Variants in GOLGB1 observed in about 807,000 individuals in gnomAD.
GOLGB1 encodes the protein golgin B1.
Under a neutral mutation model 336.9 loss-of-function variants are expected in GOLGB1, and 174 were observed. That is an observed-to-expected ratio of 0.52 (90% CI 0.46 to 0.59). The LOEUF is 0.59. Ranked by LOEUF, GOLGB1 falls within the 20% of genes least tolerant of loss-of-function variation. The pLI is 0.00. For synonymous variants in GOLGB1, 1,208 were observed against 1,289.2 expected (o/e 0.94, Z 1.35); for missense variants, 3,331 against 3,645.3 (o/e 0.91, Z 2.22).
rs536644558 is a variant in GOLGB1 at position 121,730,994 on chromosome 3, A to G, written c.-2-21T>C. 2.5e-4 allele frequency: 404 copies of G among 1,604,354 alleles called. 6 individuals are homozygous for G. The South Asian group carries it at 4.2e-3, about 17-fold the overall frequency. On this transcript the variant is annotated intron_variant, in intron 1 of 21. Coordinates refer to ENST00000614479, the MANE Select transcript of GOLGB1 (RefSeq NM_001366282.2). ...CATTTCTGTAGGAAAAGAAGGGGGG[A>G]AAAAACCTAAGAATCAGCAAAATGA...
chr3:121,746,829 T>A (rs769852634), intron 1 of GOLGB1, among the ~76,000 whole-genome samples: 1 of 151,866 alleles, frequency 6.6e-6, no homozygotes, highest in African/African-American at 2.4e-5. Flanking sequence ...CCGTCAATAT[T>A]CCCAGTTTTA....
At chr3:121,670,760 G>C (rs1181236384) in intron 17 of GOLGB1, among the ~76,000 whole-genome samples, 16 of 149,584 alleles carry the variant, frequency 1.1e-4, no homozygotes, top group African/African-American at 3.2e-4. Context: ...TCTTTTGGGG[G>C]GGGGGGTGTG....
chr3:121,690,768 C>A lies in GOLGB1; in HGVS notation c.8596G>T (p.Gly2866Trp). Residue 2866 changes from glycine to tryptophan, a missense_variant, in exon 14 of 22, where the codon GGG (glycine) becomes TGG (tryptophan). Gly to Trp is a radical substitution (Grantham distance 184, BLOSUM62 -2). Coordinates refer to ENST00000614479, the MANE Select transcript of GOLGB1 (RefSeq NM_001366282.2). ...ELEKFRKSEE[G>W]KQRSAAQPST... ...GGCTGAGCTGCAGACCTCTGCTTCCCTTCCTCTGACTTTCGAAATTTCTCC... is the reference window on the plus strand; with the variant it reads ...GGCTGAGCTGCAGACCTCTGCTTCCATTCCTCTGACTTTCGAAATTTCTCC... The A allele has an allele frequency of 6.3e-7, 1 of 1,589,606 alleles. No homozygotes were observed. The highest frequency in any genetic ancestry group is 8.6e-7 in the Non-Finnish European group (1 of 1,169,504).
In GOLGB1 at chr3:121,698,000, C is replaced by T. The variant is rs761863154; in HGVS notation, c.2523G>A (p.Leu841=). 2 of 1,614,098 alleles carry T rather than the reference C, an allele frequency of 1.2e-6. No individual in the cohort carries two copies. The highest frequency in any genetic ancestry group is 1.7e-5 in the Admixed American group (1 of 60,020). ...TTTCCTTATTTTGCAGCTGGCTTTG[C>T]AGGCTTCTTATCAGGGTACTCTGCT... is the stretch of plus-strand genomic sequence containing the variant. ...FSEQSTLIRS[L]QSQLQNKESE... is the part of the protein sequence containing the mutation. Residue 841 remains leucine, a synonymous_variant, in exon 13 of 22, where the codon CTG becomes CTA. Transcript: ENST00000614479.
intron 17 of GOLGB1, among the ~76,000 whole-genome samples, chr3:121,669,727 T>G (rs1177313255): frequency 1.3e-5 from 2 of 152,146 alleles, no homozygotes; most frequent in Non-Finnish European, 2.9e-5. Flanking sequence ...TACTAACAAA[T>G]GACTATAATC....
chr3:121,747,899 G>A (rs1031727807), intron 1 of GOLGB1, among the ~76,000 whole-genome samples: 2 of 152,068 alleles, frequency 1.3e-5, no homozygotes, highest in Non-Finnish European at 2.9e-5. Context: ...CAGCAATATA[G>A]AGCTTAGTCT....
At chr3:121,679,790 GC>G (rs1197154282) in intron 15 of GOLGB1, among the ~76,000 whole-genome samples, 1 of 152,078 alleles carries the variant, frequency 6.6e-6, no homozygotes, top group Non-Finnish European at 1.5e-5. Flanking sequence ...CTCTCCGACT[GC>G]CCCTCCTCCC....
rs1200925309 is a variant in GOLGB1 at position 121,706,733 on chromosome 3, CAAAAAAAAAA to C, written c.1405-4148_1405-4139del. On this transcript the variant is annotated intron_variant, in intron 10 of 21. Coordinates refer to ENST00000614479, the MANE Select transcript of GOLGB1 (RefSeq NM_001366282.2). ...TGGATGACACACTGAGACTCTGTCT[CAAAAAAAAAA>C]AAAAAAAAAAAAAAAACCAACAAAG... Among the ~76,000 whole-genome samples the C allele has an allele frequency of 5.6e-4, 9 of 16,158 alleles. 1 individual carries two copies. The South Asian group carries it at 0.027, about 48-fold the overall frequency. The allele number at this position is 16,158 out of a possible 152,430, so 10.6% of individuals were successfully genotyped here. A position where few individuals can be genotyped will look rare whatever the true frequency, so the allele number is the denominator to read the frequency against.
rs781135231 is a variant in GOLGB1, at chr3:121,667,476, C to G, written c.9554G>C (p.Arg3185Pro). The change falls in exon 20 of 22, where the codon CGG becomes CCG. Residue 3185 changes from arginine (R) to proline (P), a missense_variant and splice_region_variant. By Grantham distance (103) the Arg-to-Pro change is moderately radical. Transcript: ENST00000614479. ...ALSVAEEQIR[R>P]LEHSEWDSSR... is the part of the protein sequence containing the mutation. ...AGAGGCTATCTCCTTCAGCCTTTACCGTCTGATCTGCTCCTCGGCCACAGA... is the reference window on the plus strand; with the variant it reads ...AGAGGCTATCTCCTTCAGCCTTTACGGTCTGATCTGCTCCTCGGCCACAGA... 6.2e-7 allele frequency: 1 copy of G among 1,613,482 alleles called. No homozygotes were observed. Among genetic ancestry groups the G allele is most frequent in the African/African-American group, 1.3e-5 (1 of 74,912 alleles).
At position 121,683,053 on chromosome 3, in the gene GOLGB1, ATTTTTTTTTT is replaced by A. The variant is rs746649684; in HGVS notation, c.8695-1198_8695-1189del. ...GCTGCTTAAGAAGCAATTTCTTTTA[ATTTTTTTTTT>A]TTTTTTTTTTTTTTTTTTTGGAGAG... On this transcript the variant is annotated intron_variant, in intron 14 of 21. Coordinates refer to ENST00000614479, the MANE Select transcript of GOLGB1 (RefSeq NM_001366282.2). 4.1e-4 allele frequency among the ~76,000 whole-genome samples: 34 copies of A among 82,498 alleles called. No homozygotes were observed. The South Asian group carries it at 4.6e-3, about 11-fold the overall frequency. The allele number at this position is 82,498 out of a possible 152,430, so 54.1% of individuals were successfully genotyped here.
At chr3:121,678,870 G>A (rs1940734434) in intron 15 of GOLGB1, among the ~76,000 whole-genome samples, 1 of 152,056 alleles carries the variant, frequency 6.6e-6, no homozygotes, top group Admixed American at 6.6e-5. Context: ...ATTTATTAAG[G>A]CAGCATGAAC....
Position 121,717,102 on chromosome 3 carries a change from T to G in GOLGB1, c.923A>C (p.His308Pro). The change falls in exon 9 of 22, where the codon CAT becomes CCT. Residue 308 changes from histidine (H) to proline (P), a missense_variant. His to Pro is a moderately conservative substitution (Grantham distance 77). Coordinates refer to ENST00000614479, the MANE Select transcript of GOLGB1 (RefSeq NM_001366282.2). ...SQQLQQMEAE[H>P]NTLRNTVETE... ...TTCCACAGTGTTCCTCAAAGTATTA[T>G]GCTCAGCTTCCATCTGCTGTAACTG... 3 of 1,613,016 alleles carry G rather than the reference T, an allele frequency of 1.9e-6. No homozygotes were observed. In the East Asian group the frequency reaches 6.7e-5, roughly 36 times the overall value.
In GOLGB1 at chr3:121,663,472, T is replaced by G. The variant is rs1205724346; in HGVS notation, c.*1008A>C. On this transcript the variant is annotated 3_prime_UTR_variant, in exon 22 of 22. Coordinates refer to ENST00000614479, the MANE Select transcript of GOLGB1 (RefSeq NM_001366282.2). ...CTTCTCAGGTCTATCTATATTTAAT[T>G]TTGTCTTCTCTATATTCTCCTTCCA... 1.3e-5 allele frequency: 2 copies of G among 152,130 alleles called. No individual in the cohort carries two copies. Among genetic ancestry groups the G allele is most frequent in the African/African-American group, 4.8e-5 (2 of 41,412 alleles). The allele number at this position is 152,130 out of a possible 1,614,324, so 9.4% of individuals were successfully genotyped here.
rs186832653 is a variant in GOLGB1 at position 121,734,738 on chromosome 3, T to C, written c.-2-3765A>G. Among the ~76,000 whole-genome samples, 4 of 152,370 alleles carry C rather than the reference T, an allele frequency of 2.6e-5. No homozygotes were observed. The East Asian group carries it at 7.7e-4, about 29-fold the overall frequency. Reference sequence around the variant, plus strand: ...GATATAGAGCAACAGGAACTTTCAATGCCTGCAGATTAGAATACAAAATGG... The same window carrying C: ...GATATAGAGCAACAGGAACTTTCAACGCCTGCAGATTAGAATACAAAATGG... On this transcript the variant is annotated intron_variant, in intron 1 of 21. Transcript: ENST00000614479.
intron 17 of GOLGB1, among the ~76,000 whole-genome samples, chr3:121,672,899 A>G (rs1304120628): frequency 6.6e-6 from 1 of 152,124 alleles, no homozygotes; most frequent in East Asian, 1.9e-4. Context: ...TTTCTCCATC[A>G]TATGTTCTTG....
chr3:121,671,875 C>T (rs1939586766), intron 17 of GOLGB1, among the ~76,000 whole-genome samples: 1 of 151,762 alleles, frequency 6.6e-6, no homozygotes, highest in African/African-American at 2.4e-5. Flanking sequence ...TTTTTGCTCC[C>T]ACACGAGTGA....
chr3:121,677,469 A>T lies in GOLGB1; in HGVS notation c.8874-19T>A. 6.3e-7 allele frequency: 1 copy of T among 1,576,154 alleles called. No individual in the cohort carries two copies. The highest frequency in any genetic ancestry group is 1.1e-5 in the South Asian group (1 of 90,108). ...CTCCATCCTAGAAAAAACATGACAC[A>T]ATCACAGGTAAAAATATACTTGTAA... On this transcript the variant is annotated intron_variant, in intron 15 of 21. Coordinates refer to ENST00000614479, the MANE Select transcript of GOLGB1 (RefSeq NM_001366282.2).
intron 1 of GOLGB1, among the ~76,000 whole-genome samples, chr3:121,739,137 T>A (rs1342744962): frequency 4.6e-5 from 7 of 151,992 alleles, no homozygotes; most frequent in Admixed American, 4.6e-4. Context: ...TGGTGGCACA[T>A]GCATGTAGGT....
Position 121,714,920 on chromosome 3 carries a change from G to C in GOLGB1, c.1345C>G (p.Gln449Glu). Residue 449 changes from glutamine to glutamate, a missense_variant, in exon 10 of 22, where the codon CAA becomes GAA. Coordinates refer to ENST00000614479, the MANE Select transcript of GOLGB1 (RefSeq NM_001366282.2). ...GTCTGAGATGCTGTTTCATGTTGTTGCAAGGGCAGTCTATTTAGAAATTGG... is the reference window on the plus strand; with the variant it reads ...GTCTGAGATGCTGTTTCATGTTGTTCCAAGGGCAGTCTATTTAGAAATTGG... ...ISQFLNRLPL[Q>E]QHETASQTSF... The C allele has an allele frequency of 1.9e-6, 3 of 1,613,158 alleles. No homozygotes were observed. Among genetic ancestry groups the C allele is most frequent in the Non-Finnish European group, 2.5e-6 (3 of 1,179,330 alleles).
Sources: allele counts gnomAD v4.1 joint callset (sites outside exome capture counted in the v4.1 genomes callset), GRCh38; gene constraint gnomAD v4.1.1; transcripts MANE v1.5; gene names NCBI Gene and HGNC (gene_info 2026-07-23, HGNC 2026-07-21).